ECT2L: variants seen among roughly 807,000 people sequenced by gnomAD.
ECT2L encodes the protein epithelial cell transforming 2 like, also known as epithelial cell-transforming sequence 2 oncogene-like.
In ECT2L, 126 loss-of-function variants were observed where a neutral mutation model predicts 122.8. The observed-to-expected ratio is 1.03, with a 90% CI of 0.89 to 1.19. The LOEUF (loss-of-function observed/expected upper bound fraction) is 1.19, where lower values mean the gene tolerates loss of function less well. Among genes scored for constraint, ECT2L ranks in the 50% most tolerant of loss-of-function variants. The pLI is 0.00. For missense variants in ECT2L, 1,012 were observed against 1,064.1 expected, an observed-to-expected ratio of 0.95 and a Z score of 0.68; for synonymous variants, 385 against 381.8, an observed-to-expected ratio of 1.01 and a Z score of -0.10.
At chr6:138,900,079 T>C (rs952109890) in intron 20 of ECT2L, among the ~76,000 whole-genome samples, 8 of 152,212 alleles carry the variant, frequency 5.3e-5, no homozygotes, top group African/African-American at 1.7e-4. Context: ...CAAAGAACTA[T>C]TTAATTTTTA....
chr6:138,844,686 T>C, intron 7 of ECT2L, 106 bp downstream of exon 7: 3 of 1,033,694 alleles, frequency 2.9e-6, no homozygotes, highest in South Asian at 3.4e-5. Context: ...ATTCTGTGGC[T>C]CATATCCTAT....
rs1378714970 is a variant in ECT2L at position 138,846,541 on chromosome 6, G to A, written c.767G>A (p.Ser256Asn). Reference sequence around the variant, plus strand: ...TCATATTTCCTTTTACTCCATAGAAGCAATATTTCTGGAAGCCATTCCTAC... The same window carrying A: ...TCATATTTCCTTTTACTCCATAGAAACAATATTTCTGGAAGCCATTCCTAC... ...LTSLETLPKR[S>N]NISGSHSYPL... The change falls in exon 8 of 22, where the codon AGC becomes AAC. Residue 256 changes from serine to asparagine, a missense_variant and splice_region_variant. Transcript: ENST00000541398. 2.5e-6 allele frequency: 4 copies of A among 1,581,242 alleles called. No homozygotes were observed. The highest frequency in any genetic ancestry group is 2.2e-5 in the East Asian group (1 of 44,570).
intron 10 of ECT2L, among the ~76,000 whole-genome samples, chr6:138,859,087 T>G (rs536017262): frequency 1.3e-5 from 2 of 152,308 alleles, no homozygotes; most frequent in Admixed American, 6.5e-5. Flanking sequence ...ACACTAATCT[T>G]CTCTGTATTG....
chr6:138,806,018 T>C (rs1775699048), intron 1 of ECT2L, among the ~76,000 whole-genome samples: 1 of 152,196 alleles, frequency 6.6e-6, no homozygotes, highest in Admixed American at 6.5e-5. Context: ...GCACACAGAA[T>C]ACCTTTATTT....
intron 8 of ECT2L, 31 bp downstream of exon 8, chr6:138,846,708 T>C (rs767217102): frequency 1.4e-6 from 2 of 1,432,318 alleles, no homozygotes; most frequent in Non-Finnish European, 1.8e-6. Context: ...AGTCCTGTCC[T>C]GATTGTTTTT....
chr6:138,817,198 GTTGA>G (rs1776097523), intron 4 of ECT2L, among the ~76,000 whole-genome samples: 1 of 152,118 alleles, frequency 6.6e-6, no homozygotes, highest in South Asian at 2.1e-4. Flanking sequence ...CCACTCCTCA[GTTGA>G]TTATTGTAAA....
chr6:138,871,837 A>T (rs1004473906), intron 13 of ECT2L, among the ~76,000 whole-genome samples: 1 of 151,762 alleles, frequency 6.6e-6, no homozygotes, highest in African/African-American at 2.4e-5. Flanking sequence ...ACAAAACAAC[A>T]ACAACAAAAA....
At chr6:138,895,016 T>C (rs1779161495) in intron 20 of ECT2L, among the ~76,000 whole-genome samples, 1 of 152,134 alleles carries the variant, frequency 6.6e-6, no homozygotes, top group East Asian at 1.9e-4. Context: ...CCCAGCACTT[T>C]GGGAAGCTGA....
At chr6:138,835,551 C>CAA (rs34328066) in intron 4 of ECT2L, among the ~76,000 whole-genome samples, 12 of 117,876 alleles carry the variant, frequency 1.0e-4, no homozygotes, top group East Asian at 7.1e-4. Context: ...GGCCCTGTCT[C>CAA]AAAAAAAAAA....
chr6:138,881,735 A>G (rs913126028), intron 15 of ECT2L, among the ~76,000 whole-genome samples: 1 of 152,014 alleles, frequency 6.6e-6, no homozygotes, highest in Non-Finnish European at 1.5e-5. Context: ...GCAGTTCACC[A>G]TAGTGTTTGC....
intron 4 of ECT2L, among the ~76,000 whole-genome samples, chr6:138,837,130 G>C (rs1370535029): frequency 6.6e-6 from 1 of 152,052 alleles, no homozygotes; most frequent in Non-Finnish European, 1.5e-5. Flanking sequence ...CTGTCTCTGT[G>C]TATCATTCAT....
chr6:138,811,028 T>C (rs1206688596), intron 1 of ECT2L, among the ~76,000 whole-genome samples: 1 of 152,176 alleles, frequency 6.6e-6, no homozygotes, highest in Non-Finnish European at 1.5e-5. Flanking sequence ...CATCTAATCC[T>C]CTCCCCTTGA....
intron 1 of ECT2L, among the ~76,000 whole-genome samples, chr6:138,812,226 T>C (rs1775925852): frequency 6.6e-6 from 1 of 152,154 alleles, no homozygotes; most frequent in South Asian, 2.1e-4. Context: ...TTATAGCCCC[T>C]AGAACTGTGA....
At chr6:138,835,324 G>A (rs1390394512) in intron 4 of ECT2L, among the ~76,000 whole-genome samples, 1 of 152,080 alleles carries the variant, frequency 6.6e-6, no homozygotes, top group South Asian at 2.1e-4. Flanking sequence ...CAAGGCAGGC[G>A]GATCGCTTGA....
rs117563305 is a variant in ECT2L at position 138,844,536 on chromosome 6, G to A, written c.720G>A (p.Leu240=). Residue 240 remains leucine (L), a synonymous_variant, in exon 7 of 22, where the codon TTG becomes TTA. Transcript: ENST00000541398. ...VRERVGLHEA[L]EKQLVLTSLE... is the part of the protein sequence containing the mutation. The stretch of plus-strand genomic sequence containing the variant: ...AGCGAGTGGGATTACATGAAGCTTT[G>A]GAGAAACAGCTTGTTTTGACATCGT... 3.8e-4 allele frequency: 606 copies of A among 1,614,104 alleles called. 4 individuals carry two copies. The East Asian group carries it at 6.1e-3, about 16-fold the overall frequency.
intron 13 of ECT2L, among the ~76,000 whole-genome samples, chr6:138,875,217 C>T (rs1778398823): frequency 6.6e-6 from 1 of 152,206 alleles, no homozygotes; most frequent in Non-Finnish European, 1.5e-5. Flanking sequence ...CTGGAGCAGA[C>T]AGGAAGCACT....
intron 1 of ECT2L, among the ~76,000 whole-genome samples, chr6:138,797,662 C>T (rs929667659): frequency 2.0e-5 from 3 of 151,904 alleles, no homozygotes; most frequent in African/African-American, 7.3e-5. Context: ...AAACAAAAAA[C>T]TTTTTTCTCT....
At chr6:138,856,785 AACTTT>A (rs1338583011) in intron 10 of ECT2L, among the ~76,000 whole-genome samples, 22 of 152,288 alleles carry the variant, frequency 1.4e-4, no homozygotes, top group African/African-American at 5.1e-4. Context: ...TGATTGGTCT[AACTTT>A]ACTTTGGTGA....
intron 4 of ECT2L, among the ~76,000 whole-genome samples, chr6:138,832,014 G>C (rs2128384063): frequency 6.7e-6 from 1 of 149,868 alleles, no homozygotes; most frequent in East Asian, 2.2e-4. Context: ...ATGAAACTAA[G>C]TGAAATGTCT....
Sources: gnomAD v4.1 joint callset for allele counts (sites outside exome capture counted in the v4.1 genomes callset) on GRCh38, gnomAD v4.1.1 for gene constraint, MANE v1.5 for transcripts, NCBI Gene and HGNC (gene_info 2026-07-23, HGNC 2026-07-21) for gene names.